FAHD2B: variants seen among roughly 807,000 people sequenced by gnomAD.
FAHD2B encodes the protein oxaloacetate tautomerase FAHD2B, mitochondrial.
FAHD2B carries 26 observed loss-of-function variants against 33.7 expected under a neutral mutation model. The observed-to-expected ratio is 0.77, with a 90% confidence interval of 0.57 to 1.07. The LOEUF (loss-of-function observed/expected upper bound fraction) is 1.07. FAHD2B is among the 50% of genes least tolerant of loss of function. The pLI is 0.00. For missense variants in FAHD2B, 272 were observed against 388.1 expected (o/e 0.70, Z 2.51); for synonymous variants, 108 against 150.9 (o/e 0.72, Z 2.08).
intron 4 of FAHD2B, 149 bp from the exon 5 acceptor site, chr2:97,086,347 A>C: frequency 8.6e-7 from 1 of 1,164,730 alleles, no homozygotes. Context: ...GTGAATGACA[A>C]GGGAGGTGTG....
At chr2:97,080,585 A>C (rs1186635734), downstream of FAHD2B, among the ~76,000 whole-genome samples, 1 of 152,000 alleles carries the variant, frequency 6.6e-6, no homozygotes, top group Non-Finnish European at 1.5e-5. Flanking sequence ...TTTGGGTTCC[A>C]CATGAATTTT....
downstream of FAHD2B, chr2:97,082,820 G>A (rs1338453024): frequency 1.2e-5 from 14 of 1,137,812 alleles, no homozygotes; most frequent in Non-Finnish European, 1.7e-5. Context: ...GAGTGGCTCA[G>A]GGAAACCCAG....
At chr2:97,082,704 G>A, downstream of FAHD2B, 2 of 1,590,188 alleles carry the variant, frequency 1.3e-6, no homozygotes, top group Non-Finnish European at 1.7e-6. Context: ...TCTTTCCAGA[G>A]TGTGCGGACC....
chr2:97,080,051 C>G (rs2031590232), downstream of FAHD2B, among the ~76,000 whole-genome samples: 1 of 152,120 alleles, frequency 6.6e-6, no homozygotes, highest in Admixed American at 6.6e-5. Flanking sequence ...TGTCTGTTTA[C>G]TCTGCTGTTA....
chr2:97,083,923 C>T lies in FAHD2B; in HGVS notation c.882+25G>A, dbSNP rs370319389. On this transcript the variant is annotated intron_variant, in intron 8 of 8. Transcript: ENST00000414820. ...GCCTGCCAGGCCTTTGGGGCCCTTG[C>T]TCTCTTTGCTTTTCGCTAACCTACC... The T allele has an allele frequency of 8.6e-5, 138 of 1,613,940 alleles. 12 individuals are homozygous for T. The highest frequency in any genetic ancestry group is 3.8e-4 in the East Asian group (17 of 44,882).
In FAHD2B at chr2:97,091,539, A is replaced by C. The variant is rs770628238; in HGVS notation, c.168T>G (p.Asn56Lys). ...TCTTTGGGAGTGTGGGGTCAAAGGC[A>C]TTGAGGTTGATAACCCCTCCACCAT... is the stretch of plus-strand genomic sequence containing the variant. ...TGNGGGVINL[N>K]AFDPTLPKTM... Residue 56 changes from asparagine to lysine, a missense_variant, in exon 3 of 9, where the codon AAT (asparagine) becomes AAG (lysine). Asn to Lys is a moderately conservative substitution (Grantham distance 94). Coordinates refer to ENST00000414820, the MANE Select transcript of FAHD2B (RefSeq NM_001320848.2). 1.2e-6 allele frequency: 2 copies of C among 1,613,624 alleles called. No homozygotes were observed. Among genetic ancestry groups the C allele is most frequent in the Admixed American group, 1.7e-5 (1 of 59,934 alleles).
downstream of FAHD2B, chr2:97,081,219 C>G (rs1470769362): frequency 4.7e-6 from 7 of 1,486,870 alleles, no homozygotes; most frequent in East Asian, 1.6e-4. Flanking sequence ...TGCTGATGCA[C>G]CTGCTGCCGC....
chr2:97,082,019 G>C, downstream of FAHD2B: 1 of 1,569,462 alleles, frequency 6.4e-7, no homozygotes, highest in Non-Finnish European at 8.7e-7. Flanking sequence ...ACAGGGCAAC[G>C]GCGACTGAGC....
At chr2:97,084,408 C>T (rs1453916575) in intron 6 of FAHD2B, 131 bp from the exon 7 acceptor site, 3 of 996,028 alleles carry the variant, frequency 3.0e-6, no homozygotes, top group African/African-American at 3.2e-5. Flanking sequence ...CACATTGACT[C>T]AGTGCACTAT....
At chr2:97,082,254 C>A, downstream of FAHD2B, 1 of 1,562,262 alleles carries the variant, frequency 6.4e-7, no homozygotes. Flanking sequence ...CTGCTCAGCC[C>A]GCTGCTCAAG....
intron 1 of FAHD2B, among the ~76,000 whole-genome samples, chr2:97,092,362 G>A (rs938382244): frequency 6.6e-6 from 1 of 152,074 alleles, no homozygotes; most frequent in Non-Finnish European, 1.5e-5. Context: ...ACCCCCACCT[G>A]CCTCCCCAGA....
chr2:97,080,996 G>C, downstream of FAHD2B: 1 of 1,057,292 alleles, frequency 9.5e-7, no homozygotes, highest in Non-Finnish European at 1.3e-6. Context: ...GGCTGGGCGC[G>C]GTGCCTCATG....
At chr2:97,079,977 G>C (rs940519939), downstream of FAHD2B, among the ~76,000 whole-genome samples, 1 of 152,076 alleles carries the variant, frequency 6.6e-6, no homozygotes, top group African/African-American at 2.4e-5. Context: ...GTTTCTTACA[G>C]ATGCTAGATA....
downstream of FAHD2B, among the ~76,000 whole-genome samples, chr2:97,080,284 G>C (rs955335876): frequency 1.3e-5 from 2 of 152,012 alleles, no homozygotes; most frequent in Admixed American, 6.6e-5. Flanking sequence ...TGTGAGGCTG[G>C]AGTCCAGTTT....
intron 3 of FAHD2B, among the ~76,000 whole-genome samples, chr2:97,090,582 T>C (rs1160728725): frequency 1.3e-5 from 2 of 152,118 alleles, no homozygotes; most frequent in African/African-American, 2.4e-5. Context: ...CTGGAATACA[T>C]GGAAAGGTCT....
At chr2:97,090,631 C>T (rs2032281577) in intron 3 of FAHD2B, among the ~76,000 whole-genome samples, 3 of 152,162 alleles carry the variant, frequency 2.0e-5, no homozygotes, top group East Asian at 1.9e-4. Flanking sequence ...CCTGGCTCTT[C>T]GCAGCTACTC....
chr2:97,084,351 T>A, intron 6 of FAHD2B, 74 bp from the exon 7 acceptor site: 2 of 1,565,636 alleles, frequency 1.3e-6, no homozygotes, highest in South Asian at 2.3e-5. Flanking sequence ...CAAACACAAC[T>A]GTAGGGGCGC....
At chr2:97,084,619 C>T (rs184095596) in intron 6 of FAHD2B, among the ~76,000 whole-genome samples, 9 of 152,022 alleles carry the variant, frequency 5.9e-5, no homozygotes, top group Non-Finnish European at 7.4e-5. Context: ...AAATGACTCC[C>T]GGGCAGGGCC....
intron 1 of FAHD2B, among the ~76,000 whole-genome samples, chr2:97,093,254 A>G (rs2032459454): frequency 6.6e-6 from 1 of 151,956 alleles, no homozygotes; most frequent in Non-Finnish European, 1.5e-5. Context: ...GACTCATTAG[A>G]CTTAGGTCAC....
Sources: allele counts gnomAD v4.1 joint callset (sites outside exome capture counted in the v4.1 genomes callset), GRCh38; gene constraint gnomAD v4.1.1; transcripts MANE v1.5; gene names NCBI Gene and HGNC (gene_info 2026-07-23, HGNC 2026-07-21).